Variants in STPG4 observed in about 807,000 individuals in gnomAD.
The protein encoded by STPG4 is protein STPG4.
A neutral mutation model predicts 31.5 loss-of-function variants in STPG4; 41 were observed. The observed-to-expected ratio is 1.30, with a 90% confidence interval of 1.01 to 1.69. The LOEUF (loss-of-function observed/expected upper bound fraction) is 1.69. STPG4 is among the 40% of genes most tolerant of loss of function. The probability of loss-of-function intolerance (pLI) is 0.00; values close to 1 mark genes in which losing one functional copy is unlikely to be tolerated. For missense variants in STPG4, 375 were observed against 293.4 expected (o/e 1.28, Z -2.03); for synonymous variants, 141 against 103.0 (o/e 1.37, Z -2.24).
intron 6 of STPG4, among the ~76,000 whole-genome samples, 198 bp from the exon 7 acceptor site, chr2:47,087,328 C>T (rs1036501697): frequency 2.0e-5 from 3 of 152,238 alleles, no homozygotes; most frequent in African/African-American, 4.8e-5. Context: ...CTGTTAGGGG[C>T]TCATCATGAG....
chr2:47,098,134 T>C (rs905002616), intron 5 of STPG4, among the ~76,000 whole-genome samples: 17 of 152,296 alleles, frequency 1.1e-4, no homozygotes, highest in African/African-American at 3.6e-4. Context: ...TGAATTCTCG[T>C]TTACAGACAG....
chr2:47,115,756 G>A (rs1378707717), intron 5 of STPG4, among the ~76,000 whole-genome samples: 1 of 149,180 alleles, frequency 6.7e-6, no homozygotes, highest in Non-Finnish European at 1.5e-5. Context: ...GGGTTCAAGC[G>A]ATTCTTCTGT....
intron 5 of STPG4, among the ~76,000 whole-genome samples, chr2:47,119,566 T>C (rs1276152622): frequency 6.6e-6 from 1 of 152,224 alleles, no homozygotes; most frequent in Non-Finnish European, 1.5e-5. Context: ...TCAAAGGAAA[T>C]ACAATATCAT....
At chr2:47,120,610 C>T (rs773343740) in intron 5 of STPG4, among the ~76,000 whole-genome samples, 2 of 151,946 alleles carry the variant, frequency 1.3e-5, no homozygotes, top group Non-Finnish European at 2.9e-5. Context: ...CCAGTTCCCC[C>T]TTATTTGACA....
At chr2:47,153,900 T>G (rs1337352693) in intron 1 of STPG4, among the ~76,000 whole-genome samples, 2 of 152,256 alleles carry the variant, frequency 1.3e-5, no homozygotes, top group Non-Finnish European at 2.9e-5. Context: ...ATTTTGGTAT[T>G]CCTCAGTTTC....
At chr2:47,094,030 G>C (rs1336026186) in intron 5 of STPG4, among the ~76,000 whole-genome samples, 19 of 152,170 alleles carry the variant, frequency 1.2e-4, no homozygotes, top group Non-Finnish European at 5.9e-5. Flanking sequence ...AAACAAGAGG[G>C]ACATTTGAAC....
intron 3 of STPG4, 45 bp downstream of exon 3, chr2:47,151,213 C>T: frequency 1.2e-6 from 2 of 1,606,912 alleles, no homozygotes; most frequent in South Asian, 1.1e-5. Context: ...CTCAGGGGCT[C>T]TTAGTAGCTT....
At chr2:47,150,759 A>G (rs1686918192) in intron 3 of STPG4, among the ~76,000 whole-genome samples, 1 of 151,864 alleles carries the variant, frequency 6.6e-6, no homozygotes, top group Non-Finnish European at 1.5e-5. Context: ...AGTTGGGACC[A>G]CAGGCATGCA....
At chr2:47,145,049 G>C (rs940298616) in intron 3 of STPG4, among the ~76,000 whole-genome samples, 4 of 152,184 alleles carry the variant, frequency 2.6e-5, no homozygotes, top group Non-Finnish European at 5.9e-5. Flanking sequence ...TTTTTAAAAA[G>C]ATATGGAATT....
intron 3 of STPG4, among the ~76,000 whole-genome samples, chr2:47,137,832 G>A (rs958740468): frequency 6.6e-6 from 1 of 151,968 alleles, no homozygotes; most frequent in African/African-American, 2.4e-5. Context: ...CTCCTCTTTT[G>A]TGTCTAATAT....
chr2:47,118,840 G>C (rs1001347987), intron 5 of STPG4, among the ~76,000 whole-genome samples: 2 of 152,242 alleles, frequency 1.3e-5, no homozygotes, highest in Non-Finnish European at 2.9e-5. Flanking sequence ...ACGGGTGGTA[G>C]TCAAGATCAT....
At chr2:47,130,110 G>A (rs1558683097) in intron 4 of STPG4, 86 bp downstream of exon 4, 2 of 1,465,818 alleles carry the variant, frequency 1.4e-6, no homozygotes, top group African/African-American at 1.4e-5. Flanking sequence ...TGCATATGAG[G>A]TGCATAAATG....
At chr2:47,133,228 C>T (rs575374721) in intron 3 of STPG4, among the ~76,000 whole-genome samples, 210 of 151,714 alleles carry the variant, frequency 1.4e-3, no homozygotes, top group African/African-American at 4.5e-3. Context: ...AATGCAGTGG[C>T]GCAACCATAG....
intron 5 of STPG4, among the ~76,000 whole-genome samples, chr2:47,096,046 A>G (rs1167799781): frequency 2.0e-5 from 3 of 152,306 alleles, no homozygotes; most frequent in South Asian, 4.1e-4. Flanking sequence ...GAGACTGTAT[A>G]CAAGAGAGAA....
chr2:47,110,304 A>T (rs566505426), intron 5 of STPG4, among the ~76,000 whole-genome samples: 55 of 152,280 alleles, frequency 3.6e-4, no homozygotes, highest in African/African-American at 1.2e-3. Context: ...TTTAAAAATT[A>T]TATTTTGGGC....
intron 5 of STPG4, among the ~76,000 whole-genome samples, chr2:47,097,371 T>C (rs924752512): frequency 1.3e-5 from 2 of 152,116 alleles, no homozygotes; most frequent in Admixed American, 6.5e-5. Context: ...TCTGCTATGG[T>C]CTGGATGCTG....
intron 5 of STPG4, among the ~76,000 whole-genome samples, chr2:47,114,203 T>C (rs1417871579): frequency 3.3e-5 from 5 of 151,416 alleles, no homozygotes; most frequent in Non-Finnish European, 4.4e-5. Flanking sequence ...AGACCCCATT[T>C]TCAAAAAAAC....
intron 5 of STPG4, among the ~76,000 whole-genome samples, chr2:47,117,744 G>A (rs970180144): frequency 6.6e-6 from 1 of 152,118 alleles, no homozygotes; most frequent in Admixed American, 6.5e-5. Context: ...TATCAACAAT[G>A]CCTACTTGGC....
At chr2:47,102,586 T>C (rs1685823022) in intron 5 of STPG4, among the ~76,000 whole-genome samples, 1 of 151,866 alleles carries the variant, frequency 6.6e-6, no homozygotes, top group South Asian at 2.1e-4. Context: ...ATGCAAAGCT[T>C]GCAATTTACA....
Sources: gnomAD v4.1 joint callset for allele counts (sites outside exome capture counted in the v4.1 genomes callset) on GRCh38, gnomAD v4.1.1 for gene constraint, MANE v1.5 for transcripts, NCBI Gene and HGNC (gene_info 2026-07-23, HGNC 2026-07-21) for gene names.